The following C3orf70 variants were observed in gnomAD, a reference collection of about 807,000 sequenced individuals.
The protein encoded by C3orf70 is UPF0524 protein C3orf70.
Under a neutral mutation model 20.7 loss-of-function variants are expected in C3orf70, and 15 were observed. The ratio of observed to expected loss-of-function variants is 0.72; its 90% CI spans 0.48 to 1.11. The LOEUF is 1.11. Among genes scored for constraint, C3orf70 ranks in the 50% most tolerant of loss-of-function variants. The probability of loss-of-function intolerance (pLI) is 0.00; values close to 1 mark genes in which losing one functional copy is unlikely to be tolerated. For synonymous variants in C3orf70, 161 were observed against 125.7 expected, an observed-to-expected ratio of 1.28 and a Z score of -1.88; for missense variants, 332 against 317.6, an observed-to-expected ratio of 1.05 and a Z score of -0.34.
chr3:185,138,215 C>G (rs35388946), intron 1 of C3orf70, among the ~76,000 whole-genome samples: 1 of 151,868 alleles, frequency 6.6e-6, no homozygotes, highest in Admixed American at 6.6e-5. Flanking sequence ...ATTTGAATAG[C>G]CCTATAATAA....
At chr3:185,140,029 T>C (rs1422298268) in intron 1 of C3orf70, among the ~76,000 whole-genome samples, 1 of 152,180 alleles carries the variant, frequency 6.6e-6, no homozygotes, top group Non-Finnish European at 1.5e-5. Flanking sequence ...CACCAAATTA[T>C]ACACAGTCAT....
At chr3:185,103,373 C>T (rs1715859040) in intron 1 of C3orf70, among the ~76,000 whole-genome samples, 1 of 152,104 alleles carries the variant, frequency 6.6e-6, no homozygotes, top group Non-Finnish European at 1.5e-5. Context: ...AATTAGAAAG[C>T]TTCTACACAG....
chr3:185,136,430 A>T (rs1046016937), intron 1 of C3orf70, among the ~76,000 whole-genome samples: 2 of 151,702 alleles, frequency 1.3e-5, no homozygotes, highest in African/African-American at 4.8e-5. Flanking sequence ...TCTACTAAAA[A>T]CACAAAAATT....
chr3:185,124,675 A>G (rs1436840324), intron 1 of C3orf70, among the ~76,000 whole-genome samples: 3 of 152,218 alleles, frequency 2.0e-5, no homozygotes, highest in Non-Finnish European at 4.4e-5. Context: ...CGTTAAAAAA[A>G]AATGTTAAAT....
At chr3:185,134,645 A>C (rs1685384090) in intron 1 of C3orf70, among the ~76,000 whole-genome samples, 3 of 152,194 alleles carry the variant, frequency 2.0e-5, no homozygotes, top group Admixed American at 6.5e-5. Flanking sequence ...GACAAAAAAA[A>C]CTTTCAGAGA....
chr3:185,110,672 T>G (rs954865822), intron 1 of C3orf70, among the ~76,000 whole-genome samples: 5 of 152,216 alleles, frequency 3.3e-5, no homozygotes, highest in African/African-American at 7.2e-5. Flanking sequence ...TTATGGGAAT[T>G]AGGGCAAGGA....
rs1315248352 is a variant in C3orf70, at chr3:185,080,513, G to A, written c.*2494C>T. The A allele has an allele frequency of 6.5e-6, 1 of 152,732 alleles. No individual in the cohort carries two copies. Among genetic ancestry groups the A allele is most frequent in the Non-Finnish European group, 1.5e-5 (1 of 68,096 alleles). 9.5% of individuals were successfully genotyped at this position (152,732 alleles called of 1,614,324 possible). ...GTGGGCCTGTACGGAACATTGACAGGAACGGTGTAGAGGAGAAAGCCCCTT... is the reference window on the plus strand; with the variant it reads ...GTGGGCCTGTACGGAACATTGACAGAAACGGTGTAGAGGAGAAAGCCCCTT... On this transcript the variant is annotated 3_prime_UTR_variant, in exon 2 of 2. Coordinates refer to ENST00000335012, the MANE Select transcript of C3orf70 (RefSeq NM_001025266.3).
chr3:185,095,655 A>G (rs545050973), intron 1 of C3orf70, among the ~76,000 whole-genome samples: 1 of 152,220 alleles, frequency 6.6e-6, no homozygotes, highest in African/African-American at 2.4e-5. Context: ...CTTAGTTAAA[A>G]CTTTTGTAGG....
At chr3:185,106,320 A>G (rs1715938764) in intron 1 of C3orf70, among the ~76,000 whole-genome samples, 3 of 152,156 alleles carry the variant, frequency 2.0e-5, no homozygotes, top group Non-Finnish European at 2.9e-5. Flanking sequence ...CTGTGATGGT[A>G]TTGGAGGTAA....
At chr3:185,086,699 G>A (rs1715465432) in intron 1 of C3orf70, among the ~76,000 whole-genome samples, 1 of 152,178 alleles carries the variant, frequency 6.6e-6, no homozygotes, top group African/African-American at 2.4e-5. Context: ...GGGTGAGGAA[G>A]ATGTGAACCA....
intron 1 of C3orf70, among the ~76,000 whole-genome samples, chr3:185,151,444 A>G (rs1716987245): frequency 6.6e-6 from 1 of 151,980 alleles, no homozygotes; most frequent in Non-Finnish European, 1.5e-5. Flanking sequence ...TTATACTAAC[A>G]AAAGAGAACA....
intron 1 of C3orf70, among the ~76,000 whole-genome samples, chr3:185,152,380 A>G (rs992680919): frequency 2.6e-5 from 4 of 152,182 alleles, no homozygotes; most frequent in African/African-American, 9.6e-5. Flanking sequence ...TCCCTTTTGT[A>G]GAAGTAGCTA....
intron 1 of C3orf70, among the ~76,000 whole-genome samples, chr3:185,142,360 G>A (rs1447444216): frequency 6.6e-6 from 1 of 152,142 alleles, no homozygotes; most frequent in African/African-American, 2.4e-5. Flanking sequence ...TGGAGGCTGA[G>A]GTGGAAGGAC....
Position 185,082,945 on chromosome 3 carries a change from C to A in C3orf70, c.*62G>T. 2 of 1,508,922 alleles carry A rather than the reference C, an allele frequency of 1.3e-6. No individual in the cohort carries two copies. The highest frequency in any genetic ancestry group is 9.0e-7 in the Non-Finnish European group (1 of 1,113,122). 93.5% of individuals were successfully genotyped at this position (1,508,922 alleles called of 1,614,324 possible). On this transcript the variant is annotated 3_prime_UTR_variant, in exon 2 of 2. Transcript: ENST00000335012. ...TATCAACAGCATTGGAAAAAAGGAT[C>A]CACCAGACAAAGGTACAAAAGCTCG...
At chr3:185,092,294 C>A (rs1288354576) in intron 1 of C3orf70, among the ~76,000 whole-genome samples, 3 of 152,174 alleles carry the variant, frequency 2.0e-5, no homozygotes, top group African/African-American at 7.2e-5. Context: ...CTGGAGGTGT[C>A]TCCAAGCCAC....
intron 1 of C3orf70, among the ~76,000 whole-genome samples, chr3:185,084,771 T>C (rs1715424939): frequency 6.6e-6 from 1 of 152,138 alleles, no homozygotes; most frequent in Non-Finnish European, 1.5e-5. Flanking sequence ...GCTAAGGAAA[T>C]AGGGCTGAAA....
chr3:185,083,575 CAAA>C lies in C3orf70; in HGVS notation c.197-15_197-13del, dbSNP rs552761239. 6.5e-7 allele frequency: 1 copy of C among 1,550,036 alleles called. No homozygotes were observed. Among genetic ancestry groups the C allele is most frequent in the Non-Finnish European group, 8.7e-7 (1 of 1,152,094 alleles). ...ATACATGTATTTGCCTGTGAAGACA[CAAA>C]AAGACACTTGAAATCTATATTACAC... On this transcript the variant is annotated splice_polypyrimidine_tract_variant and intron_variant, in intron 1 of 1. Coordinates refer to ENST00000335012, the MANE Select transcript of C3orf70 (RefSeq NM_001025266.3).
At chr3:185,084,929 A>G (rs1715429683) in intron 1 of C3orf70, among the ~76,000 whole-genome samples, 2 of 152,202 alleles carry the variant, frequency 1.3e-5, no homozygotes, top group Admixed American at 6.5e-5. Context: ...TTCATGTTGT[A>G]TCTTCTGCAC....
At chr3:185,115,790 C>T (rs1716162173) in intron 1 of C3orf70, among the ~76,000 whole-genome samples, 1 of 152,222 alleles carries the variant, frequency 6.6e-6, no homozygotes, top group South Asian at 2.1e-4. Context: ...GGGCCATCTT[C>T]TGGACTGCAG....
Sources: allele counts gnomAD v4.1 joint callset (sites outside exome capture counted in the v4.1 genomes callset), GRCh38; gene constraint gnomAD v4.1.1; transcripts MANE v1.5; gene names NCBI Gene and HGNC (gene_info 2026-07-23, HGNC 2026-07-21).